Variants in NIM1K observed in about 807,000 individuals in gnomAD.
NIM1K encodes the protein serine/threonine-protein kinase NIM1.
In NIM1K, 35 loss-of-function variants were observed where a neutral mutation model predicts 37.1. The ratio of observed to expected loss-of-function variants is 0.94; its 90% CI spans 0.72 to 1.25. The LOEUF (loss-of-function observed/expected upper bound fraction) is 1.25. Ranked by LOEUF, NIM1K falls within the 50% of genes most tolerant of loss-of-function variation. NIM1K has a pLI of 0.00. For missense variants in NIM1K, 564 were observed against 548.0 expected, an observed-to-expected ratio of 1.03 and a Z score of -0.29; for synonymous variants, 234 against 206.6, an observed-to-expected ratio of 1.13 and a Z score of -1.14.
intron 1 of NIM1K, among the ~76,000 whole-genome samples, chr5:43,227,989 C>T (rs1057445891): frequency 6.6e-6 from 1 of 152,134 alleles, no homozygotes; most frequent in Non-Finnish European, 1.5e-5. Context: ...CGTGGGAAAG[C>T]TGAGACTGTA....
At chr5:43,276,033 C>T (rs1431435183) in intron 2 of NIM1K, among the ~76,000 whole-genome samples, 1 of 151,554 alleles carries the variant, frequency 6.6e-6, no homozygotes, top group African/African-American at 2.4e-5. Flanking sequence ...ACCCGAGTAG[C>T]ACAGGTGCCT....
At chr5:43,243,328 C>T (rs1752731117) in intron 1 of NIM1K, among the ~76,000 whole-genome samples, 1 of 152,166 alleles carries the variant, frequency 6.6e-6, no homozygotes, top group Non-Finnish European at 1.5e-5. Flanking sequence ...TCATAAGCTG[C>T]ATGGTGTTTT....
At chr5:43,210,251 A>C (rs899076286) in intron 1 of NIM1K, among the ~76,000 whole-genome samples, 8 of 152,228 alleles carry the variant, frequency 5.3e-5, no homozygotes, top group Non-Finnish European at 1.2e-4. Flanking sequence ...GTAGAATTTC[A>C]ACCATTAGAT....
intron 1 of NIM1K, among the ~76,000 whole-genome samples, chr5:43,237,024 G>C (rs1467867073): frequency 1.3e-5 from 2 of 152,222 alleles, no homozygotes; most frequent in Non-Finnish European, 2.9e-5. Context: ...TTTCAAATGA[G>C]ATGAATTTGC....
chr5:43,252,613 C>T (rs1485148472), intron 2 of NIM1K, among the ~76,000 whole-genome samples: 1 of 151,848 alleles, frequency 6.6e-6, no homozygotes, highest in Non-Finnish European at 1.5e-5. Context: ...GCACCAAGTG[C>T]TCTGGATCTC....
chr5:43,265,599 A>G (rs530278593), intron 2 of NIM1K, among the ~76,000 whole-genome samples: 13 of 152,266 alleles, frequency 8.5e-5, no homozygotes, highest in South Asian at 8.3e-4. Context: ...GTTATTACCA[A>G]TTGTCTGGAG....
intron 1 of NIM1K, among the ~76,000 whole-genome samples, chr5:43,214,399 C>A (rs1752267742): frequency 6.6e-6 from 1 of 152,204 alleles, no homozygotes; most frequent in Admixed American, 6.5e-5. Context: ...TCATTTCCCT[C>A]CTTCCTGGCA....
intron 1 of NIM1K, among the ~76,000 whole-genome samples, chr5:43,230,197 A>G (rs971838001): frequency 1.3e-5 from 2 of 152,128 alleles, no homozygotes; most frequent in African/African-American, 4.8e-5. Context: ...ACATCATAAT[A>G]TACAAGGTAG....
At chr5:43,267,669 A>G (rs562577351) in intron 2 of NIM1K, among the ~76,000 whole-genome samples, 1 of 152,174 alleles carries the variant, frequency 6.6e-6, no homozygotes, top group Non-Finnish European at 1.5e-5. Context: ...ATTCATTTCA[A>G]GTAATTTTTA....
chr5:43,239,034 C>T (rs921398317), intron 1 of NIM1K, among the ~76,000 whole-genome samples: 2 of 151,714 alleles, frequency 1.3e-5, no homozygotes, highest in African/African-American at 4.9e-5. Flanking sequence ...TTCCTCTAAC[C>T]TTTGAGGTAC....
rs1753417126 is a variant in NIM1K, at chr5:43,280,223, A to G, written c.805A>G (p.Met269Val). ...TTTGTACTTCATGGTGACTGGCACC[A>G]TGCCATTTCGGGCAGAAACCGTGGC... The part of the protein sequence containing the change: ...VLLYFMVTGT[M>V]PFRAETVAKL... The change falls in exon 4 of 4, where the codon ATG becomes GTG. Residue 269 changes from methionine to valine, a missense_variant. By Grantham distance (21) the Met-to-Val change is conservative. Coordinates refer to ENST00000326035, the MANE Select transcript of NIM1K (RefSeq NM_153361.4). 8 of 1,614,202 alleles carry G rather than the reference A, an allele frequency of 5.0e-6. No homozygotes were observed. Among genetic ancestry groups the G allele is most frequent in the African/African-American group, 1.3e-5 (1 of 75,042 alleles).
chr5:43,260,621 A>G (rs144369291), intron 2 of NIM1K, among the ~76,000 whole-genome samples: 188 of 151,894 alleles, frequency 1.2e-3, no homozygotes, highest in African/African-American at 4.3e-3. Flanking sequence ...AGATTTTTTT[A>G]TTATTATACT....
intron 2 of NIM1K, among the ~76,000 whole-genome samples, chr5:43,271,394 T>C (rs947377282): frequency 2.0e-5 from 3 of 152,182 alleles, no homozygotes; most frequent in African/African-American, 7.2e-5. Flanking sequence ...ATACTAGAAC[T>C]TCCTTTTATA....
chr5:43,274,884 T>G (rs891113449), intron 2 of NIM1K, among the ~76,000 whole-genome samples: 2 of 152,252 alleles, frequency 1.3e-5, no homozygotes, highest in Non-Finnish European at 2.9e-5. Flanking sequence ...ATTTTGTAAG[T>G]AGGTCAAACA....
intron 2 of NIM1K, among the ~76,000 whole-genome samples, chr5:43,263,533 A>C (rs1258974882): frequency 6.7e-6 from 1 of 148,864 alleles, no homozygotes; most frequent in Non-Finnish European, 1.5e-5. Context: ...GCAGTCTATC[A>C]ATTTTGTTGA....
intron 1 of NIM1K, among the ~76,000 whole-genome samples, chr5:43,236,267 AC>A (rs1752620132): frequency 6.6e-6 from 1 of 151,954 alleles, no homozygotes; most frequent in Non-Finnish European, 1.5e-5. Context: ...CCTGTGTCAA[AC>A]AAAAAACAAA....
At chr5:43,273,468 C>CA (rs1753289536) in intron 2 of NIM1K, among the ~76,000 whole-genome samples, 1 of 152,128 alleles carries the variant, frequency 6.6e-6, no homozygotes, top group Non-Finnish European at 1.5e-5. Flanking sequence ...CTCGGCCTCC[C>CA]AAAGTGCTGG....
intron 2 of NIM1K, among the ~76,000 whole-genome samples, chr5:43,268,779 A>G (rs147715269): frequency 2.8e-4 from 42 of 152,100 alleles, no homozygotes; most frequent in African/African-American, 7.2e-5. Flanking sequence ...AAAGATTATT[A>G]TCATTTAAAC....
At position 43,200,544 on chromosome 5, in the gene NIM1K, C is replaced by T. The variant is rs1410006469; in HGVS notation, c.-695+8133C>T. On this transcript the variant is annotated intron_variant, in intron 1 of 3. Transcript: ENST00000326035. Reference sequence around the variant, plus strand: ...CTTGACCTCCCGACCTCGTGATCTGCCCGCCTCAGCCTCCCAAAGTGATGA... The same window carrying T: ...CTTGACCTCCCGACCTCGTGATCTGTCCGCCTCAGCCTCCCAAAGTGATGA... 2.5e-4 allele frequency among the ~76,000 whole-genome samples: 38 copies of T among 152,094 alleles called. 1 individual carries two copies. Among genetic ancestry groups the T allele is most frequent in the Non-Finnish European group, 2.9e-5 (2 of 68,024 alleles).
Sources: allele counts gnomAD v4.1 joint callset (sites outside exome capture counted in the v4.1 genomes callset), GRCh38; gene constraint gnomAD v4.1.1; transcripts MANE v1.5; gene names NCBI Gene and HGNC (gene_info 2026-07-23, HGNC 2026-07-21).